ADGRF3: variants seen among roughly 807,000 people sequenced by gnomAD.
ADGRF3 encodes the protein G protein-coupled receptor 113.
ADGRF3 carries 85 observed loss-of-function variants against 93.2 expected under a neutral mutation model. That is an observed-to-expected ratio of 0.91 (90% CI 0.77 to 1.09). The LOEUF (loss-of-function observed/expected upper bound fraction) is 1.09, where lower values mean the gene tolerates loss of function less well. Among genes scored for constraint, ADGRF3 ranks in the 50% least tolerant of loss-of-function variants. ADGRF3 has a pLI of 0.00. For missense variants in ADGRF3, 1,125 were observed against 1,246.2 expected (o/e 0.90, Z 1.46); for synonymous variants, 534 against 532.5 (o/e 1.00, Z -0.04).
chr2:26,324,157 G>A (rs1222107871), intron 1 of ADGRF3, among the ~76,000 whole-genome samples: 2 of 152,140 alleles, frequency 1.3e-5, no homozygotes, highest in East Asian at 3.9e-4. Flanking sequence ...AGGCTGAGGT[G>A]GGACGATCAC....
rs1447911620 is a variant in ADGRF3 at position 26,311,153 on chromosome 2, T to A, written c.2371A>T (p.Met791Leu). The A allele has an allele frequency of 1.9e-6, 3 of 1,596,210 alleles. No homozygotes were observed. The African/African-American group carries it at 4.0e-5, about 21-fold the overall frequency. Reference protein sequence around the residue: ...HFLYLATFFWMLAQALVLAHQ... With the variant: ...HFLYLATFFWLLAQALVLAHQ... ...GCCAACACCAGGGCCTGCGCCAGCA[T>A]CCAGAAAAAGGTGGCCAGGTAGAGG... Residue 791 changes from methionine (M) to leucine (L), a missense_variant, in exon 10 of 14, where the codon ATG becomes TTG. Met to Leu is a conservative substitution (Grantham distance 15, BLOSUM62 2). Transcript: ENST00000651242.
intron 9 of ADGRF3, among the ~76,000 whole-genome samples, chr2:26,312,389 T>C (rs144366922): frequency 1.6e-3 from 249 of 152,318 alleles, no homozygotes; most frequent in Non-Finnish European, 2.6e-3. Context: ...ACTTCTCCCA[T>C]TCTTTGGCCC....
At chr2:26,309,904 C>T (rs777775931) in intron 12 of ADGRF3, 139 bp downstream of exon 12, 94 of 1,569,526 alleles carry the variant, frequency 6.0e-5, no homozygotes, top group Middle Eastern at 1.7e-4. Context: ...GAGCTGGAAC[C>T]GGAAAACTGT....
intron 1 of ADGRF3, among the ~76,000 whole-genome samples, chr2:26,341,843 G>T (rs1487780139): frequency 6.6e-6 from 1 of 152,090 alleles, no homozygotes; most frequent in Admixed American, 6.5e-5. Flanking sequence ...GGAGGCTGAG[G>T]CGGGCAGATC....
intron 1 of ADGRF3, among the ~76,000 whole-genome samples, chr2:26,331,356 C>T (rs532121360): frequency 2.6e-5 from 4 of 152,108 alleles, no homozygotes; most frequent in Admixed American, 6.5e-5. Context: ...TCAAGACCAG[C>T]CTGACCAACA....
intron 1 of ADGRF3, among the ~76,000 whole-genome samples, chr2:26,322,089 C>A (rs1675182167): frequency 1.3e-5 from 2 of 151,412 alleles, no homozygotes; most frequent in South Asian, 4.2e-4. Flanking sequence ...TCGAGACCAG[C>A]CTGGCCAAAG....
At chr2:26,319,780 G>A (rs1675042674) in intron 1 of ADGRF3, among the ~76,000 whole-genome samples, 1 of 151,832 alleles carries the variant, frequency 6.6e-6, no homozygotes, top group African/African-American at 2.4e-5. Context: ...GCAGTAGCAT[G>A]ATCAAAGCTC....
chr2:26,316,569 T>C, intron 3 of ADGRF3, 121 bp from the exon 4 acceptor site: 1 of 1,013,666 alleles, frequency 9.9e-7, no homozygotes, highest in Non-Finnish European at 1.4e-6. Flanking sequence ...ATCCCCAAGC[T>C]ACAGGTGCCT....
chr2:26,323,272 A>G (rs1675257466), intron 1 of ADGRF3, among the ~76,000 whole-genome samples: 1 of 152,156 alleles, frequency 6.6e-6, no homozygotes, highest in Admixed American at 6.5e-5. Context: ...ACCAATGGGG[A>G]CTTATTGCTG....
intron 1 of ADGRF3, among the ~76,000 whole-genome samples, chr2:26,332,153 A>T (rs1228435476): frequency 6.6e-6 from 1 of 152,226 alleles, no homozygotes; most frequent in Non-Finnish European, 1.5e-5. Context: ...TCTACACTGG[A>T]ATGTGTTAAA....
chr2:26,346,064 G>A (rs182685108), intron 1 of ADGRF3, 57 bp downstream of exon 1: 14 of 1,504,710 alleles, frequency 9.3e-6, no homozygotes, highest in Admixed American at 8.2e-5. Flanking sequence ...ACTGAGAGGC[G>A]GCCGAAGGGG....
At chr2:26,321,040 A>G (rs546314842) in intron 1 of ADGRF3, among the ~76,000 whole-genome samples, 2 of 152,304 alleles carry the variant, frequency 1.3e-5, no homozygotes, top group Non-Finnish European at 2.9e-5. Flanking sequence ...TGTTTCATAT[A>G]TAGTTTTTCT....
chr2:26,339,749 A>G lies in ADGRF3; in HGVS notation c.114+6372T>C, dbSNP rs143447904. 4.4e-4 allele frequency among the ~76,000 whole-genome samples: 67 copies of G among 152,280 alleles called. 2 individuals carry two copies. Among genetic ancestry groups the G allele is most frequent in the African/African-American group, 1.4e-3 (60 of 41,570 alleles). ...AAGTTCCGGGGGCTAATCTTGAGAT[A>G]GGCAGACCAAGCCTGGAGACCCAAC... On this transcript the variant is annotated intron_variant, in intron 1 of 13. Coordinates refer to ENST00000651242, the MANE Select transcript of ADGRF3 (RefSeq NM_001321971.2).
intron 1 of ADGRF3, among the ~76,000 whole-genome samples, chr2:26,335,830 A>T (rs1477247205): frequency 2.0e-5 from 3 of 152,180 alleles, no homozygotes; most frequent in African/African-American, 7.2e-5. Context: ...TTTTTCTTGC[A>T]GATCATTTCC....
At chr2:26,317,123 C>G in intron 2 of ADGRF3, 68 bp from the exon 3 acceptor site, 2 of 1,508,582 alleles carry the variant, frequency 1.3e-6, no homozygotes, top group Non-Finnish European at 1.8e-6. Context: ...CCTCTGGATT[C>G]TCTCACCTAG....
At position 26,314,583 on chromosome 2, in the gene ADGRF3, C is replaced by T; in HGVS notation, c.759G>A (p.Trp253Ter). The T allele has an allele frequency of 6.2e-7, 1 of 1,614,036 alleles. No individual in the cohort carries two copies. The highest frequency in any genetic ancestry group is 8.5e-7 in the Non-Finnish European group (1 of 1,179,884). The change falls in exon 6 of 14, where the codon TGG becomes TGA. Residue 253 changes from tryptophan (W) to a stop codon, truncating the protein, a stop_gained. Coordinates refer to ENST00000651242, the MANE Select transcript of ADGRF3 (RefSeq NM_001321971.2). LOFTEE classifies it high-confidence loss of function. The stretch of plus-strand genomic sequence containing the variant: ...GCACCCTCACCACCTCATACAGGTT[C>T]CACTTGAAGCCCTGGGCCTCGAAGC... ...MSCFEAQGFK[W>*]NLYEVVRVPL...
rs544956154 is a variant in ADGRF3, at chr2:26,338,611, T to C, written c.114+7510A>G. On this transcript the variant is annotated intron_variant, in intron 1 of 13. Transcript: ENST00000651242. ...CCGAGTAGCTTAAATTACAGGCATGTGCCACCACGCCCGGCTAATTTTGTA... is the reference window on the plus strand; with the variant it reads ...CCGAGTAGCTTAAATTACAGGCATGCGCCACCACGCCCGGCTAATTTTGTA... 4.6e-5 allele frequency among the ~76,000 whole-genome samples: 7 copies of C among 152,202 alleles called. No homozygotes were observed. The South Asian group carries it at 1.0e-3, about 23-fold the overall frequency.
Position 26,346,360 on chromosome 2 carries a change from C to A in ADGRF3, c.-126G>T. On this transcript the variant is annotated 5_prime_UTR_variant, in exon 1 of 14. Transcript: ENST00000651242. ...CCAGGCGGCTGAGGGGCCCGCGCGG[C>A]GCGGTCCGTGTCACCTTGTGCCGCG... The A allele has an allele frequency of 6.6e-7, 1 of 1,506,662 alleles. No homozygotes were observed. 93.3% of individuals were successfully genotyped at this position (1,506,662 alleles called of 1,614,324 possible).
chr2:26,346,303 G>A lies in ADGRF3; in HGVS notation c.-69C>T, dbSNP rs754158353. The A allele has an allele frequency of 6.2e-7, 1 of 1,605,754 alleles. No individual in the cohort carries two copies. The highest frequency in any genetic ancestry group is 8.5e-7 in the Non-Finnish European group (1 of 1,174,868). On this transcript the variant is annotated 5_prime_UTR_variant, in exon 1 of 14. Transcript: ENST00000651242. ...GATAAGTACAAGGTACCGCGGGCCG[G>A]CGGATGCCCCTCTCCCTGCTCCCGG...
Sources: allele counts gnomAD v4.1 joint callset (sites outside exome capture counted in the v4.1 genomes callset), GRCh38; gene constraint gnomAD v4.1.1; transcripts MANE v1.5; gene names NCBI Gene and HGNC (gene_info 2026-07-23, HGNC 2026-07-21).